Variants in FER observed in about 807,000 individuals in gnomAD.
FER encodes tyrosine-protein kinase Fer.
FER carries 63 observed loss-of-function variants against 111.0 expected under a neutral mutation model. That is an observed-to-expected ratio of 0.57 (90% CI 0.46 to 0.70). The LOEUF is 0.70. FER is among the 30% of genes least tolerant of loss of function. The pLI is 0.00. For synonymous variants in FER, 327 were observed against 313.9 expected (o/e 1.04, Z -0.44); for missense variants, 914 against 954.0 (o/e 0.96, Z 0.55).
rs769044843 is a variant in FER, at chr5:108,883,490, T to A, written c.1018T>A (p.Ser340Thr). The A allele has an allele frequency of 1.9e-6, 3 of 1,605,356 alleles. No homozygotes were observed. The highest frequency in any genetic ancestry group is 2.7e-5 in the African/African-American group (2 of 74,538). ...VLELEKRIEE[S>T]SETCEKKSDI... ...GGAGTTAGAGAAGAGAATTGAAGAA[T>A]CTTCTGAAACTTGTGAGAAGAAGTC... Residue 340 changes from serine to threonine, a missense_variant, in exon 9 of 20, where the codon TCT (serine) becomes ACT (threonine). Transcript: ENST00000281092.
chr5:108,842,112 A>T (rs1429075754), intron 5 of FER: 1 of 174,582 alleles, frequency 5.7e-6, no homozygotes, highest in Non-Finnish European at 1.2e-5. Context: ...AAGTGATGTG[A>T]TATCTGAGGT....
chr5:109,160,456 T>C (rs1755870738), intron 17 of FER, among the ~76,000 whole-genome samples: 1 of 152,174 alleles, frequency 6.6e-6, no homozygotes. Flanking sequence ...CAGTGTTTCA[T>C]AAGAAGAAAA....
At chr5:109,121,617 G>T (rs961014607) in intron 17 of FER, among the ~76,000 whole-genome samples, 6 of 151,978 alleles carry the variant, frequency 3.9e-5, no homozygotes, top group Non-Finnish European at 7.4e-5. Flanking sequence ...GGAATGAGTT[G>T]GGAAGTATTC....
At chr5:108,936,558 A>G (rs1755504692) in intron 10 of FER, among the ~76,000 whole-genome samples, 1 of 152,014 alleles carries the variant, frequency 6.6e-6, no homozygotes, top group South Asian at 2.1e-4. Context: ...TCTCATGGGT[A>G]CTTTATTAAT....
At chr5:108,790,348 A>T (rs2150022786) in intron 2 of FER, among the ~76,000 whole-genome samples, 1 of 152,186 alleles carries the variant, frequency 6.6e-6, no homozygotes. Context: ...TCTTCAAATA[A>T]GATTATTGAA....
intron 5 of FER, among the ~76,000 whole-genome samples, chr5:108,845,272 G>A (rs1362303682): frequency 6.6e-6 from 1 of 150,680 alleles, no homozygotes; most frequent in Non-Finnish European, 1.5e-5. Context: ...CTCAGGTTCA[G>A]GCGATTCTCC....
intron 16 of FER, among the ~76,000 whole-genome samples, chr5:109,062,845 T>C (rs1191305895): frequency 6.6e-6 from 1 of 152,150 alleles, no homozygotes; most frequent in Non-Finnish European, 1.5e-5. Flanking sequence ...AATTAAATGT[T>C]ATATTATCTG....
chr5:108,851,134 A>T (rs1375283197), intron 5 of FER, among the ~76,000 whole-genome samples: 3 of 152,172 alleles, frequency 2.0e-5, no homozygotes, highest in Non-Finnish European at 4.4e-5. Context: ...ACATCATTGT[A>T]TTAATCTGTT....
intron 2 of FER, among the ~76,000 whole-genome samples, chr5:108,790,056 T>A (rs1483671629): frequency 1.3e-5 from 2 of 152,186 alleles, no homozygotes; most frequent in Non-Finnish European, 2.9e-5. Context: ...TTGGGTGCAA[T>A]GGCTTGTGCC....
intron 18 of FER, 30 bp downstream of exon 18, chr5:109,180,931 G>A (rs770539725): frequency 3.3e-6 from 5 of 1,520,790 alleles, no homozygotes; most frequent in Non-Finnish European, 4.4e-6. Context: ...TTTTTTTAAT[G>A]GTAAAAATGA....
At chr5:108,779,146 T>C (rs1359847375) in intron 2 of FER, among the ~76,000 whole-genome samples, 1 of 152,166 alleles carries the variant, frequency 6.6e-6, no homozygotes, top group Non-Finnish European at 1.5e-5. Flanking sequence ...ATACTCTCTA[T>C]TCTGTTCTAT....
chr5:109,161,501 A>G (rs1015847808), intron 17 of FER, among the ~76,000 whole-genome samples: 4 of 152,050 alleles, frequency 2.6e-5, no homozygotes, highest in Non-Finnish European at 5.9e-5. Context: ...CTTATAAGCG[A>G]GAATATGTGG....
At chr5:108,997,547 G>A (rs780103839) in intron 13 of FER, among the ~76,000 whole-genome samples, 3 of 151,828 alleles carry the variant, frequency 2.0e-5, no homozygotes, top group Non-Finnish European at 2.9e-5. Context: ...TCTGTCTCTT[G>A]CCTGATTGCC....
At chr5:108,800,854 G>A (rs1756563590) in intron 3 of FER, among the ~76,000 whole-genome samples, 1 of 152,146 alleles carries the variant, frequency 6.6e-6, no homozygotes, top group Admixed American at 6.5e-5. Context: ...AGACCATCCT[G>A]GCTAACACGG....
intron 17 of FER, among the ~76,000 whole-genome samples, chr5:109,177,322 A>G (rs1264117737): frequency 6.6e-6 from 1 of 152,098 alleles, no homozygotes; most frequent in East Asian, 1.9e-4. Flanking sequence ...AGCCAGAATC[A>G]GGAAACTCCA....
chr5:109,101,398 G>A (rs1030745544), intron 17 of FER, among the ~76,000 whole-genome samples: 2 of 151,858 alleles, frequency 1.3e-5, no homozygotes, highest in African/African-American at 4.8e-5. Flanking sequence ...TCATTGTCCA[G>A]GCTTTGCTTT....
chr5:109,029,174 T>C (rs1452967321), intron 13 of FER, among the ~76,000 whole-genome samples: 1 of 151,724 alleles, frequency 6.6e-6, no homozygotes, highest in Non-Finnish European at 1.5e-5. Flanking sequence ...AAAGTTAAGG[T>C]AGAGCTCTGT....
chr5:108,910,846 TTCCATAGGGTA>T (rs1751451707), intron 10 of FER, among the ~76,000 whole-genome samples: 1 of 152,120 alleles, frequency 6.6e-6, no homozygotes, highest in African/African-American at 2.4e-5. Flanking sequence ...CTGCATAGTA[TTCCATAGGGTA>T]TATATACCAC....
chr5:109,071,659 GT>G (rs908154930), intron 16 of FER, among the ~76,000 whole-genome samples: 3 of 150,678 alleles, frequency 2.0e-5, no homozygotes, highest in South Asian at 2.1e-4. Context: ...AAAATTTTGG[GT>G]TTTTTTTTCC....
Sources: gnomAD v4.1 joint callset for allele counts (sites outside exome capture counted in the v4.1 genomes callset) on GRCh38, gnomAD v4.1.1 for gene constraint, MANE v1.5 for transcripts, NCBI Gene and HGNC (gene_info 2026-07-23, HGNC 2026-07-21) for gene names.